Variants in FBXO8 observed in about 807,000 individuals in gnomAD.
The protein encoded by FBXO8 is F-box only protein 8.
FBXO8 carries 15 observed loss-of-function variants against 33.4 expected under a neutral mutation model. The ratio of observed to expected loss-of-function variants is 0.45; its 90% CI spans 0.30 to 0.69. The LOEUF (loss-of-function observed/expected upper bound fraction) is 0.69. Among genes scored for constraint, FBXO8 ranks in the 30% least tolerant of loss-of-function variants. The pLI is 0.08. For missense variants in FBXO8, 274 were observed against 380.3 expected (o/e 0.72, Z 2.32); for synonymous variants, 132 against 131.5 (o/e 1.00, Z -0.02).
rs74533509 is a variant in FBXO8 at position 174,277,035 on chromosome 4, T to G, written c.-9+6375A>C. On this transcript the variant is annotated intron_variant, in intron 1 of 5. Coordinates refer to ENST00000393674, the MANE Select transcript of FBXO8 (RefSeq NM_012180.3). The surrounding 1 kb of genome is among the most constrained non-coding windows in gnomAD (Gnocchi z 4.9). The stretch of plus-strand genomic sequence containing the variant: ...GTTCTGACATAATTTTGGATGTATT[T>G]TTTTTAAAGTAGCAGTTTTAGTCTA... Among the ~76,000 whole-genome samples, 2,370 of 152,334 alleles carry G rather than the reference T, an allele frequency of 0.016. 88 individuals are homozygous for G. The East Asian group carries it at 0.19, about 12-fold the overall frequency.
In FBXO8 at chr4:174,267,024, TAC is replaced by T. The variant is rs1319902527; in HGVS notation, c.-8-3926_-8-3925del. On this transcript the variant is annotated intron_variant, in intron 1 of 5. Coordinates refer to ENST00000393674, the MANE Select transcript of FBXO8 (RefSeq NM_012180.3). This position sits in a 1 kb window ranked among gnomAD's most constrained non-coding sequence, Gnocchi z 4.7. The stretch of plus-strand genomic sequence containing the variant: ...TACTTGCACAGCTTTGTAGGGCCTC[TAC>T]ACACAATTCACCTCCTTTAGTTATT... 1.3e-5 allele frequency among the ~76,000 whole-genome samples: 2 copies of T among 152,228 alleles called. No homozygotes were observed. The highest frequency in any genetic ancestry group is 2.9e-5 in the Non-Finnish European group (2 of 68,042).
In FBXO8 at chr4:174,272,074, T is replaced by C. The variant is rs554237736; in HGVS notation, c.-8-8974A>G. 4.0e-4 allele frequency among the ~76,000 whole-genome samples: 61 copies of C among 152,300 alleles called. No homozygotes were observed. Among genetic ancestry groups the C allele is most frequent in the Middle Eastern group, 3.4e-3 (1 of 294 alleles). On this transcript the variant is annotated intron_variant, in intron 1 of 5. Coordinates refer to ENST00000393674, the MANE Select transcript of FBXO8 (RefSeq NM_012180.3). The surrounding 1 kb of genome is among the most constrained non-coding windows in gnomAD (Gnocchi z 4.7). ...GGATTATGAGTGTTCAGTGAACTAA[T>C]AGCAAATCAAAACAAAACAAAAGCA...
At position 174,254,292 on chromosome 4, in the gene FBXO8, A is replaced by C. The variant is rs771493552; in HGVS notation, c.456+5407T>G. Among the ~76,000 whole-genome samples, 9 of 152,184 alleles carry C rather than the reference A, an allele frequency of 5.9e-5. No individual in the cohort carries two copies. Among genetic ancestry groups the C allele is most frequent in the Non-Finnish European group, 1.2e-4 (8 of 68,028 alleles). ...TTGAAGTATGTGTGTCTTACTGTCA[A>C]CTTGGTTCACATTCTACTACCTGTA... On this transcript the variant is annotated intron_variant, in intron 3 of 5. Coordinates refer to ENST00000393674, the MANE Select transcript of FBXO8 (RefSeq NM_012180.3). The surrounding 1 kb of genome is among the most constrained non-coding windows in gnomAD (Gnocchi z 4.2).
intron 3 of FBXO8, among the ~76,000 whole-genome samples, chr4:174,250,860 G>C (rs1255111005): frequency 6.6e-6 from 1 of 152,118 alleles, no homozygotes; most frequent in Non-Finnish European, 1.5e-5. Flanking sequence ...TGTAGAGGCA[G>C]ACACCTTGGA....
At position 174,262,988 on chromosome 4, in the gene FBXO8, C is replaced by T. The variant is rs369222126; in HGVS notation, c.105G>A (p.Ala35=). 92 of 1,613,878 alleles carry T rather than the reference C, an allele frequency of 5.7e-5. No homozygotes were observed. The highest frequency in any genetic ancestry group is 6.7e-5 in the Non-Finnish European group (79 of 1,179,920). ...GATGATTGGTGTTAGAAATGTTGCT[C>T]GCAGCCATTCTCCTGCTCTGCTCTC... ...LTREQSRRMA[A]SNISNTNHRK... The change falls in exon 2 of 6, where the codon GCG becomes GCA. Residue 35 remains alanine, a synonymous_variant. Transcript: ENST00000393674. This position sits in a 1 kb window ranked among gnomAD's most constrained non-coding sequence, Gnocchi z 4.6.
intron 1 of FBXO8, among the ~76,000 whole-genome samples, chr4:174,282,491 A>C (rs1023833771): frequency 2.0e-5 from 3 of 152,198 alleles, no homozygotes; most frequent in African/African-American, 7.2e-5. Context: ...TTCTGACCCA[A>C]TATGAAAAAA....
intron 1 of FBXO8, among the ~76,000 whole-genome samples, chr4:174,266,774 T>C (rs181732845): frequency 9.8e-5 from 15 of 152,286 alleles, no homozygotes; most frequent in South Asian, 2.1e-4. Context: ...CAAAAAATAA[T>C]AATGATAAAA....
In FBXO8 at chr4:174,252,469, C is replaced by T. The variant is rs184182854; in HGVS notation, c.456+7230G>A. ...CAAGAAGTTCCAAACTAATATGGCT[C>T]CAGGTTGTTGGGCTCACAGATAGCA... is the stretch of plus-strand genomic sequence containing the variant. On this transcript the variant is annotated intron_variant, in intron 3 of 5. Coordinates refer to ENST00000393674, the MANE Select transcript of FBXO8 (RefSeq NM_012180.3). This position sits in a 1 kb window ranked among gnomAD's most constrained non-coding sequence, Gnocchi z 5.1. 3.3e-3 allele frequency among the ~76,000 whole-genome samples: 503 copies of T among 152,218 alleles called. 1 individual carries two copies. The highest frequency in any genetic ancestry group is 5.6e-3 in the Non-Finnish European group (383 of 68,018).
rs184309670 is a variant in FBXO8, at chr4:174,275,900, C to A, written c.-9+7510G>T. On this transcript the variant is annotated intron_variant, in intron 1 of 5. Coordinates refer to ENST00000393674, the MANE Select transcript of FBXO8 (RefSeq NM_012180.3). The surrounding 1 kb of genome is among the most constrained non-coding windows in gnomAD (Gnocchi z 4.4). ...TGACCACTTACATAGGATATATAAACAACAGAGTAAGGTACAAATGCAAAA... is the reference window on the plus strand; with the variant it reads ...TGACCACTTACATAGGATATATAAAAAACAGAGTAAGGTACAAATGCAAAA... Among the ~76,000 whole-genome samples the A allele has an allele frequency of 1.1e-4, 16 of 152,106 alleles. No homozygotes were observed. The highest frequency in any genetic ancestry group is 7.2e-4 in the Admixed American group (11 of 15,284).
chr4:174,266,819 A>G (rs1425389863), intron 1 of FBXO8, among the ~76,000 whole-genome samples: 1 of 152,262 alleles, frequency 6.6e-6, no homozygotes, highest in Non-Finnish European at 1.5e-5. Flanking sequence ...GTGTTAAGTA[A>G]GATAATGTAC....
intron 1 of FBXO8, among the ~76,000 whole-genome samples, chr4:174,266,927 T>A (rs1736708793): frequency 6.6e-6 from 1 of 152,224 alleles, no homozygotes; most frequent in South Asian, 2.1e-4. Context: ...AGCACTTTCA[T>A]AAAGCTTATT....
At chr4:174,276,160 C>T (rs758220646) in intron 1 of FBXO8, among the ~76,000 whole-genome samples, 19 of 152,174 alleles carry the variant, frequency 1.2e-4, no homozygotes, top group Middle Eastern at 6.9e-3. Context: ...CTTATATGCC[C>T]TTGTTTCCAT....
At position 174,247,779 on chromosome 4, in the gene FBXO8, G is replaced by C. The variant is rs1047220155; in HGVS notation, c.457-6561C>G. Among the ~76,000 whole-genome samples the C allele has an allele frequency of 1.3e-5, 2 of 151,998 alleles. No individual in the cohort carries two copies. The highest frequency in any genetic ancestry group is 6.6e-5 in the Admixed American group (1 of 15,220). On this transcript the variant is annotated intron_variant, in intron 3 of 5. Transcript: ENST00000393674. This position sits in a 1 kb window ranked among gnomAD's most constrained non-coding sequence, Gnocchi z 4.6. Reference sequence around the variant, plus strand: ...ATTGACACATCTGCAGGTCAAATGGGAACATCCCCATTGTTTTGTTTGCAA... The same window carrying C: ...ATTGACACATCTGCAGGTCAAATGGCAACATCCCCATTGTTTTGTTTGCAA...
intron 2 of FBXO8, among the ~76,000 whole-genome samples, chr4:174,260,509 T>C (rs953589089): frequency 2.3e-4 from 35 of 152,174 alleles, no homozygotes; most frequent in African/African-American, 8.2e-4. Flanking sequence ...CAAGCTGTGA[T>C]GTTCAACATA....
chr4:174,279,563 A>G (rs1376458959), intron 1 of FBXO8, among the ~76,000 whole-genome samples: 1 of 152,156 alleles, frequency 6.6e-6, no homozygotes, highest in Non-Finnish European at 1.5e-5. Flanking sequence ...TTGAAAAAGA[A>G]CAACAAAGCT....
In FBXO8 at chr4:174,255,886, C is replaced by T. The variant is rs1051231309; in HGVS notation, c.456+3813G>A. On this transcript the variant is annotated intron_variant, in intron 3 of 5. Transcript: ENST00000393674. This position sits in a 1 kb window ranked among gnomAD's most constrained non-coding sequence, Gnocchi z 4.3. ...CAGGGAAAATACAACTTAATGTAAA[C>T]AGATGGTTTTCAGCACATTCCTTTA... 6 of 248,142 alleles carry T rather than the reference C, an allele frequency of 2.4e-5. No individual in the cohort carries two copies. The highest frequency in any genetic ancestry group is 1.8e-4 in the Admixed American group (4 of 22,006). The allele number at this position is 248,142 out of a possible 1,614,324, so 15.4% of individuals were successfully genotyped here. A position where few individuals can be genotyped will look rare whatever the true frequency, so the allele number is the denominator to read the frequency against.
chr4:174,276,384 C>T lies in FBXO8; in HGVS notation c.-9+7026G>A, dbSNP rs371885399. Among the ~76,000 whole-genome samples the T allele has an allele frequency of 2.0e-5, 3 of 151,966 alleles. 1 individual carries two copies. The highest frequency in any genetic ancestry group is 3.9e-4 in the East Asian group (2 of 5,158). On this transcript the variant is annotated intron_variant, in intron 1 of 5. Coordinates refer to ENST00000393674, the MANE Select transcript of FBXO8 (RefSeq NM_012180.3). ...TCCCGAGTAGCTGGGACTACAGGCG[C>T]GCACCGCCATGCCTGGCTAATTTTT...
rs1736807516 is a variant in FBXO8 at position 174,270,274 on chromosome 4, AT to A, written c.-8-7175del. Among the ~76,000 whole-genome samples, 1 of 152,210 alleles carries A rather than the reference AT, an allele frequency of 6.6e-6. No individual in the cohort carries two copies. The highest frequency in any genetic ancestry group is 1.5e-5 in the Non-Finnish European group (1 of 68,030). The stretch of plus-strand genomic sequence containing the variant: ...CTTAACTTTCTGTTCCTAAAGTCCT[AT>A]GCTGCTGTGGCACAGTAGCTGGGAA... On this transcript the variant is annotated intron_variant, in intron 1 of 5. Transcript: ENST00000393674. This position sits in a 1 kb window ranked among gnomAD's most constrained non-coding sequence, Gnocchi z 4.6.
Position 174,265,011 on chromosome 4 carries a change from A to T in FBXO8, c.-8-1911T>A, listed in dbSNP as rs1436777963. 1.3e-5 allele frequency among the ~76,000 whole-genome samples: 2 copies of T among 152,184 alleles called. No homozygotes were observed. Among genetic ancestry groups the T allele is most frequent in the Non-Finnish European group, 2.9e-5 (2 of 68,012 alleles). On this transcript the variant is annotated intron_variant, in intron 1 of 5. Coordinates refer to ENST00000393674, the MANE Select transcript of FBXO8 (RefSeq NM_012180.3). This position sits in a 1 kb window ranked among gnomAD's most constrained non-coding sequence, Gnocchi z 4.7. ...AAATACACAAATGGCAAATAAGCAC[A>T]TGAAAAGATGCTCAACATCATATGT... is the stretch of plus-strand genomic sequence containing the variant.
Sources: gnomAD v4.1 joint callset for allele counts (sites outside exome capture counted in the v4.1 genomes callset) on GRCh38, gnomAD v4.1.1 for gene constraint, Gnocchi (gnomAD v3.1) non-coding constraint, MANE v1.5 for transcripts, NCBI Gene and HGNC (gene_info 2026-07-23, HGNC 2026-07-21) for gene names.